The following OPCML variants were observed in gnomAD, a reference collection of about 807,000 sequenced individuals.
The protein encoded by OPCML is opioid-binding protein/cell adhesion molecule.
OPCML carries 13 observed loss-of-function variants against 37.8 expected under a neutral mutation model. The observed-to-expected ratio is 0.34, with a 90% CI of 0.22 to 0.55. OPCML has a LOEUF of 0.55. OPCML is among the 20% of genes least tolerant of loss of function. The pLI is 0.91. For missense variants in OPCML, 341 were observed against 435.6 expected (o/e 0.78, Z 1.93); for synonymous variants, 176 against 168.8 (o/e 1.04, Z -0.33).
intron 1 of OPCML, among the ~76,000 whole-genome samples, chr11:133,515,648 G>A (rs1173325029): frequency 6.6e-6 from 1 of 152,078 alleles, no homozygotes; most frequent in Admixed American, 6.6e-5. Flanking sequence ...CCAGGAATAT[G>A]AGAAATACAC....
chr11:133,255,386 G>C (rs982706287), intron 1 of OPCML, among the ~76,000 whole-genome samples: 1 of 152,000 alleles, frequency 6.6e-6, no homozygotes, highest in Non-Finnish European at 1.5e-5. Flanking sequence ...GGTGTTATTT[G>C]GGTTTATTTG....
At chr11:132,996,553 A>G (rs1240801227) in intron 1 of OPCML, among the ~76,000 whole-genome samples, 1 of 149,324 alleles carries the variant, frequency 6.7e-6, no homozygotes. Flanking sequence ...CAGAAGGCAG[A>G]GGTTGCAGTG....
At chr11:133,436,052 T>C (rs767517309) in intron 1 of OPCML, among the ~76,000 whole-genome samples, 1 of 152,078 alleles carries the variant, frequency 6.6e-6, no homozygotes, top group African/African-American at 2.4e-5. Context: ...AACAAACATA[T>C]ACACAAAATG....
In OPCML at chr11:133,007,693, T is replaced by A. The variant is rs1319383094; in HGVS notation, c.62-64683A>T. ...ATAGGCACACAGAGAGATGAAGAAATTAAGCCAGAAAAAGTTCAGTGTCTG... is the reference window on the plus strand; with the variant it reads ...ATAGGCACACAGAGAGATGAAGAAAATAAGCCAGAAAAAGTTCAGTGTCTG... On this transcript the variant is annotated intron_variant, in intron 1 of 7. Coordinates refer to ENST00000524381, the MANE Select transcript of OPCML (RefSeq NM_001012393.5). 4 of 985,270 alleles carry A rather than the reference T, an allele frequency of 4.1e-6. No homozygotes were observed. In the Admixed American group the frequency reaches 2.5e-4, roughly 61 times the overall value. 61.0% of individuals were successfully genotyped at this position (985,270 alleles called of 1,614,324 possible). A position where few individuals can be genotyped will look rare whatever the true frequency, so the allele number is the denominator to read the frequency against.
At chr11:132,789,166 C>T (rs960270958) in intron 2 of OPCML, among the ~76,000 whole-genome samples, 4 of 152,192 alleles carry the variant, frequency 2.6e-5, no homozygotes, top group Non-Finnish European at 4.4e-5. Flanking sequence ...TTTCCTCTTG[C>T]CATGTTTATT....
chr11:132,563,128 C>T (rs1388981008), intron 3 of OPCML, among the ~76,000 whole-genome samples: 1 of 152,156 alleles, frequency 6.6e-6, no homozygotes, highest in African/African-American at 2.4e-5. Context: ...AATGCTTATG[C>T]ACATTATTAA....
At chr11:133,376,193 CT>C (rs11295070) in intron 1 of OPCML, among the ~76,000 whole-genome samples, 33,634 of 151,762 alleles carry the variant, frequency 0.22, 5,290 homozygotes, top group African/African-American at 0.44. Flanking sequence ...AATTGCAATA[CT>C]TTTTTTTAAT....
chr11:133,331,914 G>T (rs1159771577), intron 1 of OPCML, among the ~76,000 whole-genome samples: 1 of 151,888 alleles, frequency 6.6e-6, no homozygotes, highest in Non-Finnish European at 1.5e-5. Flanking sequence ...TGGCTATTTG[G>T]GCTCTTTTTT....
chr11:132,464,830 G>GTACAAGA (rs2096114632), intron 4 of OPCML, among the ~76,000 whole-genome samples: 1 of 152,046 alleles, frequency 6.6e-6, no homozygotes, highest in African/African-American at 2.4e-5. Flanking sequence ...CAATTAAGAA[G>GTACAAGA]TGTGTTATAT....
chr11:132,861,963 C>G (rs75980580), intron 2 of OPCML, among the ~76,000 whole-genome samples: 13,802 of 150,972 alleles, frequency 0.091, 670 homozygotes, highest in Middle Eastern at 0.19. Flanking sequence ...TTTTGTTTTC[C>G]TTTAAATCAT....
chr11:132,571,247 G>T (rs2096437749), intron 3 of OPCML, among the ~76,000 whole-genome samples: 1 of 152,084 alleles, frequency 6.6e-6, no homozygotes. Flanking sequence ...ACTGAAGGCT[G>T]CTCTGTCTGC....
At chr11:132,581,057 T>A (rs1325706250) in intron 3 of OPCML, among the ~76,000 whole-genome samples, 2 of 152,072 alleles carry the variant, frequency 1.3e-5, no homozygotes, top group Non-Finnish European at 2.9e-5. Flanking sequence ...CAACAGCATT[T>A]TCAGTCTTTA....
At chr11:132,799,399 C>T (rs1938517189) in intron 2 of OPCML, among the ~76,000 whole-genome samples, 1 of 152,138 alleles carries the variant, frequency 6.6e-6, no homozygotes, top group African/African-American at 2.4e-5. Flanking sequence ...AGCTTCCTCA[C>T]CTCCCTCAGA....
At chr11:132,526,095 A>G (rs1285348525) in intron 4 of OPCML, among the ~76,000 whole-genome samples, 2 of 152,170 alleles carry the variant, frequency 1.3e-5, no homozygotes, top group African/African-American at 4.8e-5. Context: ...TCTGTAAAAG[A>G]TTGGGAATAT....
intron 3 of OPCML, among the ~76,000 whole-genome samples, chr11:132,628,915 A>C (rs1229494685): frequency 6.6e-6 from 1 of 152,094 alleles, no homozygotes; most frequent in Non-Finnish European, 1.5e-5. Flanking sequence ...ACAATTGTTA[A>C]GTTTCCTGAA....
At chr11:133,346,860 T>C (rs1183407997) in intron 1 of OPCML, among the ~76,000 whole-genome samples, 1 of 152,158 alleles carries the variant, frequency 6.6e-6, no homozygotes, top group African/African-American at 2.4e-5. Flanking sequence ...TTTTGTTTTG[T>C]TGTTTCTGTG....
At chr11:133,423,320 T>C (rs1945931922) in intron 1 of OPCML, 1 of 979,164 alleles carries the variant, frequency 1.0e-6, no homozygotes. Flanking sequence ...GATTTCCACC[T>C]GACAATGGGC....
intron 1 of OPCML, among the ~76,000 whole-genome samples, chr11:133,370,710 G>GTA (rs1944656686): frequency 6.6e-6 from 1 of 152,050 alleles, no homozygotes; most frequent in South Asian, 2.1e-4. Context: ...ACCCCAAACT[G>GTA]TAAAACTACT....
chr11:133,021,613 T>C (rs1210818353), intron 1 of OPCML, among the ~76,000 whole-genome samples: 2 of 22,974 alleles, frequency 8.7e-5, no homozygotes, highest in East Asian at 2.3e-3. Context: ...CACTTAAAGG[T>C]ATGAGCCACA....
Sources: allele counts gnomAD v4.1 joint callset (sites outside exome capture counted in the v4.1 genomes callset), GRCh38; gene constraint gnomAD v4.1.1; transcripts MANE v1.5; gene names NCBI Gene and HGNC (gene_info 2026-07-23, HGNC 2026-07-21).